Variants in NRG1 observed in about 807,000 individuals in gnomAD.
NRG1 encodes the protein pro-neuregulin-1, membrane-bound isoform.
NRG1 carries 18 observed loss-of-function variants against 63.8 expected under a neutral mutation model. The observed-to-expected ratio is 0.28, with a 90% CI of 0.19 to 0.42. The LOEUF is 0.42. Among genes scored for constraint, NRG1 ranks in the 10% least tolerant of loss-of-function variants. The pLI is 1.00. For synonymous variants in NRG1, 302 were observed against 301.3 expected, an observed-to-expected ratio of 1.00 and a Z score of -0.02; for missense variants, 762 against 814.7, an observed-to-expected ratio of 0.94 and a Z score of 0.79.
chr8:32,241,113 A>G (rs1326585016), intron 1 of NRG1, among the ~76,000 whole-genome samples: 2 of 152,166 alleles, frequency 1.3e-5, no homozygotes, highest in Non-Finnish European at 1.5e-5. Context: ...TCTGCCCTGC[A>G]ACCACAGAGT....
intron 1 of NRG1, among the ~76,000 whole-genome samples, chr8:32,302,023 C>T (rs1214024229): frequency 6.6e-6 from 1 of 152,066 alleles, no homozygotes; most frequent in Non-Finnish European, 1.5e-5. Flanking sequence ...CTGGTTTTAC[C>T]CATTGTCTGA....
chr8:32,629,234 A>T (rs1849834796), intron 5 of NRG1, among the ~76,000 whole-genome samples: 1 of 152,164 alleles, frequency 6.6e-6, no homozygotes, highest in South Asian at 2.1e-4. Context: ...TTATACTCAG[A>T]TGTTAGACTA....
chr8:32,277,711 G>A (rs1412855023), intron 1 of NRG1, among the ~76,000 whole-genome samples: 2 of 152,152 alleles, frequency 1.3e-5, no homozygotes, highest in Non-Finnish European at 2.9e-5. Context: ...GGATGCTACT[G>A]GTATGCAGTT....
intron 1 of NRG1, among the ~76,000 whole-genome samples, chr8:32,421,830 C>T (rs1347159304): frequency 6.6e-6 from 1 of 151,940 alleles, no homozygotes; most frequent in East Asian, 1.9e-4. Flanking sequence ...ATTATTTTTT[C>T]TGATAATAAA....
At chr8:32,193,478 A>C (rs1319882705) in intron 1 of NRG1, among the ~76,000 whole-genome samples, 21 of 152,190 alleles carry the variant, frequency 1.4e-4, no homozygotes, top group Admixed American at 1.4e-3. Flanking sequence ...GCTGATGCTA[A>C]AGAAATAATC....
intron 5 of NRG1, among the ~76,000 whole-genome samples, chr8:32,708,119 C>T (rs1396632098): frequency 1.3e-5 from 2 of 151,996 alleles, no homozygotes; most frequent in African/African-American, 4.8e-5. Flanking sequence ...GTTTTCCTTT[C>T]CTAACTTATA....
At chr8:31,772,286 G>A (rs1351657892) in intron 1 of NRG1, among the ~76,000 whole-genome samples, 9 of 152,084 alleles carry the variant, frequency 5.9e-5, no homozygotes, top group Non-Finnish European at 1.3e-4. Context: ...ATGTGCTACT[G>A]TTGTGTATTT....
intron 5 of NRG1, among the ~76,000 whole-genome samples, chr8:32,687,042 A>C (rs1444765119): frequency 6.6e-6 from 1 of 152,086 alleles, no homozygotes; most frequent in Non-Finnish European, 1.5e-5. Flanking sequence ...CAGATTGAGG[A>C]GTCTTTGGGA....
At chr8:32,021,634 G>C (rs576945892) in intron 1 of NRG1, among the ~76,000 whole-genome samples, 3 of 152,214 alleles carry the variant, frequency 2.0e-5, no homozygotes, top group Admixed American at 2.0e-4. Flanking sequence ...CTCTACTAAT[G>C]TGTAACCAGA....
intron 1 of NRG1, among the ~76,000 whole-genome samples, chr8:31,785,762 T>G (rs1390176659): frequency 2.6e-5 from 4 of 152,220 alleles, no homozygotes; most frequent in African/African-American, 7.2e-5. Context: ...AATTCAGTTG[T>G]GTGTAGTTAA....
intron 1 of NRG1, among the ~76,000 whole-genome samples, chr8:32,554,555 A>T (rs779202702): frequency 6.6e-6 from 1 of 152,210 alleles, no homozygotes; most frequent in Non-Finnish European, 1.5e-5. Flanking sequence ...TTTCTTCTAA[A>T]TTTTTTTAAA....
intron 1 of NRG1, among the ~76,000 whole-genome samples, chr8:32,268,854 C>T (rs1481764): frequency 0.019 from 2,879 of 152,104 alleles, 114 homozygotes; most frequent in Admixed American, 0.091. Flanking sequence ...CAGGGAAGCA[C>T]GAAGGACGGG....
At chr8:31,777,504 G>A (rs1203284623) in intron 1 of NRG1, among the ~76,000 whole-genome samples, 3 of 152,238 alleles carry the variant, frequency 2.0e-5, no homozygotes, top group Admixed American at 6.5e-5. Flanking sequence ...GGTAGAGGGG[G>A]AGCTGGCACT....
chr8:32,490,270 A>C (rs559410786), intron 1 of NRG1, among the ~76,000 whole-genome samples: 13 of 151,462 alleles, frequency 8.6e-5, no homozygotes, highest in Admixed American at 6.6e-4. Flanking sequence ...GCGCCACTGC[A>C]CTCCAGTCTG....
chr8:32,733,063 T>C lies in NRG1; in HGVS notation c.632+4985T>C, dbSNP rs183478652. Among the ~76,000 whole-genome samples the C allele has an allele frequency of 5.2e-3, 791 of 152,280 alleles. 10 individuals are homozygous for C. Among genetic ancestry groups the C allele is most frequent in the African/African-American group, 0.018 (752 of 41,576 alleles). On this transcript the variant is annotated intron_variant, in intron 6 of 11. Transcript: ENST00000356819. ...TTCAGGTGATCCACCTGCCTTGGCC[T>C]CCCAAAGTGCTGGGATTACAGGCAT...
intron 5 of NRG1, among the ~76,000 whole-genome samples, chr8:32,726,258 T>C (rs950824569): frequency 1.3e-5 from 2 of 152,152 alleles, no homozygotes; most frequent in Non-Finnish European, 2.9e-5. Flanking sequence ...TTCTCTCTTA[T>C]ACATACCCAA....
chr8:32,535,501 A>T (rs1263747127), intron 1 of NRG1, among the ~76,000 whole-genome samples: 1 of 152,014 alleles, frequency 6.6e-6, no homozygotes, highest in African/African-American at 2.4e-5. Context: ...ACAAACCACG[A>T]CCCTCTAAAA....
intron 1 of NRG1, among the ~76,000 whole-genome samples, chr8:32,502,259 A>T: frequency 6.6e-6 from 1 of 151,486 alleles, no homozygotes; most frequent in Non-Finnish European, 1.5e-5. Context: ...CAGGTGCCAC[A>T]CAATTTTAAA....
intron 5 of NRG1, among the ~76,000 whole-genome samples, chr8:32,639,958 G>T (rs188600574): frequency 1.3e-5 from 2 of 152,248 alleles, no homozygotes; most frequent in East Asian, 3.9e-4. Context: ...CATTAAATAA[G>T]ATTGCACATT....
Sources: gnomAD v4.1 joint callset for allele counts (sites outside exome capture counted in the v4.1 genomes callset) on GRCh38, gnomAD v4.1.1 for gene constraint, MANE v1.5 for transcripts, NCBI Gene and HGNC (gene_info 2026-07-23, HGNC 2026-07-21) for gene names.